The following NPAS3 variants were observed in gnomAD, a reference collection of about 807,000 sequenced individuals.
The protein encoded by NPAS3 is neuronal PAS domain-containing protein 3.
In NPAS3, 14 loss-of-function variants were observed where a neutral mutation model predicts 73.1. The observed-to-expected ratio is 0.19, with a 90% CI of 0.13 to 0.30. The LOEUF (loss-of-function observed/expected upper bound fraction) is 0.30, where lower values mean the gene tolerates loss of function less well. Ranked by LOEUF, NPAS3 falls within the 10% of genes least tolerant of loss-of-function variation. NPAS3 has a pLI of 1.00. For synonymous variants in NPAS3, 620 were observed against 541.5 expected (o/e 1.14, Z -2.01); for missense variants, 1,096 against 1,250.0 (o/e 0.88, Z 1.86).
At chr14:32,938,879 G>GCCGGTCGCCTGTCT (rs1260623731), upstream of NPAS3, among the ~76,000 whole-genome samples, 7 of 142,780 alleles carry the variant, frequency 4.9e-5, no homozygotes, top group Admixed American at 7.0e-5. Context: ...CGCCGCCGCC[G>GCCGGTCGCCTGTCT]CCGGTCGCCT....
At chr14:33,741,949 ATATG>A (rs1010646854) in intron 7 of NPAS3, among the ~76,000 whole-genome samples, 6 of 152,180 alleles carry the variant, frequency 3.9e-5, no homozygotes, top group African/African-American at 1.4e-4. Flanking sequence ...ACACATATGT[ATATG>A]TATGTACATA....
intron 7 of NPAS3, among the ~76,000 whole-genome samples, chr14:33,754,676 G>A (rs111467490): frequency 2.0e-5 from 3 of 152,184 alleles, no homozygotes; most frequent in East Asian, 1.9e-4. Flanking sequence ...GAACAGCACA[G>A]CATCTTTACT....
Position 33,565,570 on chromosome 14 carries a change from A to C in NPAS3, c.558+5360A>C, listed in dbSNP as rs148148741. 3.3e-4 allele frequency among the ~76,000 whole-genome samples: 50 copies of C among 152,278 alleles called. 1 individual carries two copies. The East Asian group carries it at 7.2e-3, about 22-fold the overall frequency. On this transcript the variant is annotated intron_variant, in intron 5 of 11. Coordinates refer to ENST00000356141, the Ensembl canonical transcript of NPAS3. Reference sequence around the variant, plus strand: ...TCAAGTTGAGGTTAGTATGTGGCTAATACTCTTACTTCCCTGCTTGTAGAA... The same window carrying C: ...TCAAGTTGAGGTTAGTATGTGGCTACTACTCTTACTTCCCTGCTTGTAGAA...
chr14:33,547,232 A>C (rs2054888764), intron 4 of NPAS3, among the ~76,000 whole-genome samples: 1 of 152,182 alleles, frequency 6.6e-6, no homozygotes, highest in African/African-American at 2.4e-5. Context: ...GACACATTTA[A>C]GTAGAAATTA....
chr14:33,181,486 T>C (rs2045799037), intron 2 of NPAS3, among the ~76,000 whole-genome samples: 1 of 152,214 alleles, frequency 6.6e-6, no homozygotes, highest in Non-Finnish European at 1.5e-5. Context: ...TGTGATAATT[T>C]ACTGTCTTTT....
chr14:33,675,612 G>GA (rs2059740053), intron 5 of NPAS3, among the ~76,000 whole-genome samples: 2 of 152,162 alleles, frequency 1.3e-5, no homozygotes, highest in Admixed American at 6.5e-5. Flanking sequence ...CTTTTGTATG[G>GA]AAAATCCCTC....
intron 7 of NPAS3, among the ~76,000 whole-genome samples, chr14:33,768,448 C>T (rs2062534893): frequency 6.6e-6 from 1 of 152,186 alleles, no homozygotes; most frequent in Non-Finnish European, 1.5e-5. Flanking sequence ...AAGCTTATTT[C>T]AATTCAAATA....
chr14:33,800,074 G>T lies in NPAS3; in HGVS notation c.1767G>T (p.Ala589=). 6.3e-7 allele frequency: 1 copy of T among 1,598,348 alleles called. No individual in the cohort carries two copies. Among genetic ancestry groups the T allele is most frequent in the South Asian group, 1.1e-5 (1 of 90,094 alleles). ...AGGACTCGGACAGCGCAGGCGAGGCGGGCGCGCAGGCCTCCAGCAAGCACC... is the reference window on the plus strand; with the variant it reads ...AGGACTCGGACAGCGCAGGCGAGGCTGGCGCGCAGGCCTCCAGCAAGCACC... Residue 589 remains alanine (A), a synonymous_variant, in exon 12 of 12, where the codon GCG becomes GCT. Coordinates refer to ENST00000356141, the Ensembl canonical transcript of NPAS3. This position sits in a 1 kb window ranked among gnomAD's most constrained non-coding sequence, Gnocchi z 6.5.
At chr14:33,712,620 A>C (rs2060851195) in intron 6 of NPAS3, among the ~76,000 whole-genome samples, 1 of 152,204 alleles carries the variant, frequency 6.6e-6, no homozygotes, top group Non-Finnish European at 1.5e-5. Context: ...CCTAGATGTC[A>C]AGACCCCACC....
chr14:33,752,077 A>T lies in NPAS3; in HGVS notation c.852+16745A>T, dbSNP rs557112503. On this transcript the variant is annotated intron_variant, in intron 7 of 11. Coordinates refer to ENST00000356141, the Ensembl canonical transcript of NPAS3. ...TTCCTGGATTGAATGATTACTTTTT[A>T]AAAAACATAATTTTCACAAAGAAAA... Among the ~76,000 whole-genome samples, 3 of 152,318 alleles carry T rather than the reference A, an allele frequency of 2.0e-5. No homozygotes were observed. The South Asian group carries it at 6.2e-4, about 32-fold the overall frequency.
intron 1 of NPAS3, among the ~76,000 whole-genome samples, chr14:33,018,291 C>T (rs959534800): frequency 6.6e-6 from 1 of 152,110 alleles, no homozygotes; most frequent in Non-Finnish European, 1.5e-5. Flanking sequence ...TGTGATGCTC[C>T]AGTGGCAGAA....
chr14:33,008,406 A>G (rs148035976), intron 1 of NPAS3, among the ~76,000 whole-genome samples: 24 of 152,338 alleles, frequency 1.6e-4, no homozygotes, highest in African/African-American at 5.8e-4. Flanking sequence ...AAAAATATAT[A>G]TTTGTGAATT....
intron 1 of NPAS3, among the ~76,000 whole-genome samples, chr14:32,992,873 G>A (rs1007312046): frequency 3.3e-5 from 5 of 152,066 alleles, no homozygotes; most frequent in East Asian, 1.9e-4. Flanking sequence ...ATGGTCTCTC[G>A]GCAGGGTGTG....
intron 5 of NPAS3, among the ~76,000 whole-genome samples, chr14:33,675,804 G>A (rs1041210400): frequency 2.6e-5 from 4 of 152,158 alleles, no homozygotes; most frequent in African/African-American, 9.7e-5. Flanking sequence ...TGTTTCTATA[G>A]CTGTTCCTAT....
At chr14:33,305,233 C>T (rs1185702293) in intron 3 of NPAS3, among the ~76,000 whole-genome samples, 3 of 151,892 alleles carry the variant, frequency 2.0e-5, no homozygotes, top group Admixed American at 6.5e-5. Context: ...AATTATTTTT[C>T]ACTAGATTAT....
At chr14:33,121,952 T>G (rs754527393) in intron 2 of NPAS3, among the ~76,000 whole-genome samples, 2 of 152,270 alleles carry the variant, frequency 1.3e-5, no homozygotes, top group Non-Finnish European at 2.9e-5. Flanking sequence ...CACATAACTT[T>G]CCATGAGTAC....
chr14:33,012,552 C>CTT (rs35569383), intron 1 of NPAS3, among the ~76,000 whole-genome samples: 7 of 141,988 alleles, frequency 4.9e-5, no homozygotes, highest in South Asian at 2.3e-4. Flanking sequence ...AAAGTCATAT[C>CTT]TTTTTTTTTT....
intron 3 of NPAS3, among the ~76,000 whole-genome samples, chr14:33,255,543 A>G (rs2048747461): frequency 6.6e-6 from 1 of 152,182 alleles, no homozygotes; most frequent in Non-Finnish European, 1.5e-5. Context: ...TCCAAGGCTC[A>G]ATTGCCAAGT....
At chr14:33,557,881 A>G (rs1310070937) in intron 4 of NPAS3, among the ~76,000 whole-genome samples, 1 of 152,206 alleles carries the variant, frequency 6.6e-6, no homozygotes, top group East Asian at 1.9e-4. Context: ...AGGCAGGAGA[A>G]TGGTGTGAAC....
Sources: gnomAD v4.1 joint callset for allele counts (sites outside exome capture counted in the v4.1 genomes callset) on GRCh38, gnomAD v4.1.1 for gene constraint, Gnocchi (gnomAD v3.1) non-coding constraint, MANE v1.5 for transcripts, NCBI Gene and HGNC (gene_info 2026-07-23, HGNC 2026-07-21) for gene names.